SLC24A2: variants seen among roughly 807,000 people sequenced by gnomAD.
SLC24A2 encodes the protein solute carrier family 24 member 2.
SLC24A2 carries 36 observed loss-of-function variants against 62.0 expected under a neutral mutation model. The ratio of observed to expected loss-of-function variants is 0.58; its 90% CI spans 0.44 to 0.77. The LOEUF (loss-of-function observed/expected upper bound fraction) is 0.77, where lower values mean the gene tolerates loss of function less well. Among genes scored for constraint, SLC24A2 ranks in the 30% least tolerant of loss-of-function variants. The pLI is 0.00. For missense variants in SLC24A2, 846 were observed against 817.9 expected, an observed-to-expected ratio of 1.03 and a Z score of -0.42; for synonymous variants, 358 against 294.0, an observed-to-expected ratio of 1.22 and a Z score of -2.23.
chr9:19,933,925 T>C, the SLC24A2 span, among the ~76,000 whole-genome samples: 2,267 of 152,146 alleles, frequency 0.015, 55 homozygotes, highest in African/African-American at 0.045. Context: ...GGCAAATCCA[T>C]AGAGGCAGAA....
At chr9:19,646,559 A>G (rs908260195) in intron 2 of SLC24A2, among the ~76,000 whole-genome samples, 2 of 152,164 alleles carry the variant, frequency 1.3e-5, no homozygotes, top group African/African-American at 4.8e-5. Flanking sequence ...GCAGGCCTCA[A>G]ATTGGGTGGG....
the SLC24A2 span, among the ~76,000 whole-genome samples, chr9:20,188,433 G>A: frequency 1.3e-5 from 2 of 152,216 alleles, no homozygotes; most frequent in Admixed American, 1.3e-4. Flanking sequence ...GGTCCTGCAT[G>A]AGCAAATGAG....
the SLC24A2 span, among the ~76,000 whole-genome samples, chr9:19,974,265 A>G: frequency 6.6e-6 from 1 of 152,224 alleles, no homozygotes; most frequent in Non-Finnish European, 1.5e-5. Flanking sequence ...CTTGGAAGGT[A>G]GAAGTACAGT....
chr9:20,190,253 G>T, the SLC24A2 span, among the ~76,000 whole-genome samples: 1 of 152,072 alleles, frequency 6.6e-6, no homozygotes, highest in Non-Finnish European at 1.5e-5. Flanking sequence ...ACTATGCCAG[G>T]GCAGTCCTCA....
In SLC24A2 at chr9:19,597,239, C is replaced by A; in HGVS notation, c.1119G>T (p.Met373Ile). ...TAAAATCATTCTTACCTTCTTCAGT[C>A]ATTGTGTCATAATATTTTAGTTTTC... is the stretch of plus-strand genomic sequence containing the variant. ...SYGKLKYYDT[M>I]TEEGRFREKA... Residue 373 changes from methionine to isoleucine, a missense_variant, in exon 5 of 11, where the codon ATG (methionine) becomes ATT (isoleucine). Transcript: ENST00000341998. 6.3e-7 allele frequency: 1 copy of A among 1,583,992 alleles called. No homozygotes were observed. Among genetic ancestry groups the A allele is most frequent in the South Asian group, 1.1e-5 (1 of 90,390 alleles).
chr9:20,231,639 G>A, the SLC24A2 span, among the ~76,000 whole-genome samples: 1 of 152,176 alleles, frequency 6.6e-6, no homozygotes, highest in African/African-American at 2.4e-5. Flanking sequence ...TTTGGACTGA[G>A]ACGATGGGGT....
chr9:20,104,641 G>A, the SLC24A2 span, among the ~76,000 whole-genome samples: 4 of 152,098 alleles, frequency 2.6e-5, no homozygotes, highest in Admixed American at 6.6e-5. Context: ...TTACAGACAA[G>A]CAAATGCTGA....
At chr9:20,089,866 C>T in the SLC24A2 span, among the ~76,000 whole-genome samples, 1 of 151,918 alleles carries the variant, frequency 6.6e-6, no homozygotes, top group African/African-American at 2.4e-5. Context: ...AGCCCTTGAC[C>T]CCCTGCTCCC....
At chr9:20,099,687 T>C in the SLC24A2 span, among the ~76,000 whole-genome samples, 1 of 152,196 alleles carries the variant, frequency 6.6e-6, no homozygotes, top group Non-Finnish European at 1.5e-5. Context: ...CAATCAGAGA[T>C]TCAAGCTATA....
chr9:20,021,224 G>T, the SLC24A2 span, among the ~76,000 whole-genome samples: 37 of 152,178 alleles, frequency 2.4e-4, no homozygotes, highest in South Asian at 4.2e-3. Flanking sequence ...ACTGGAAGGT[G>T]AGTGTGGATA....
the SLC24A2 span, among the ~76,000 whole-genome samples, chr9:19,876,452 T>C: frequency 6.6e-6 from 1 of 151,752 alleles, no homozygotes; most frequent in South Asian, 2.1e-4. Context: ...AAACCATATA[T>C]AAGGGGCTAT....
chr9:19,603,182 G>A (rs962388076), intron 4 of SLC24A2, among the ~76,000 whole-genome samples: 3 of 151,430 alleles, frequency 2.0e-5, no homozygotes, highest in Non-Finnish European at 2.9e-5. Flanking sequence ...GGGGGTAGGT[G>A]GATGGGGGGT....
chr9:19,911,565 G>C, the SLC24A2 span, among the ~76,000 whole-genome samples: 2 of 152,270 alleles, frequency 1.3e-5, no homozygotes, highest in South Asian at 4.1e-4. Context: ...GTGGAATCAG[G>C]CATCAGATAA....
chr9:19,581,399 A>G (rs2132863300), intron 5 of SLC24A2, among the ~76,000 whole-genome samples: 1 of 152,194 alleles, frequency 6.6e-6, no homozygotes, highest in East Asian at 1.9e-4. Context: ...CTGCAGCAAA[A>G]TGGATTTGCT....
chr9:20,277,295 G>A, the SLC24A2 span, among the ~76,000 whole-genome samples: 1 of 152,022 alleles, frequency 6.6e-6, no homozygotes, highest in African/African-American at 2.4e-5. Context: ...AGAGTGAACA[G>A]GCAACCTACA....
intron 2 of SLC24A2, among the ~76,000 whole-genome samples, chr9:19,689,181 T>C (rs1819970844): frequency 6.6e-6 from 1 of 152,146 alleles, no homozygotes; most frequent in Admixed American, 6.6e-5. Context: ...TTAAGTGGCC[T>C]AAGTTGTAAA....
At chr9:20,164,352 C>T in the SLC24A2 span, among the ~76,000 whole-genome samples, 1 of 152,118 alleles carries the variant, frequency 6.6e-6, no homozygotes. Context: ...CAAAAGAAGA[C>T]ATTTATGCAG....
the SLC24A2 span, among the ~76,000 whole-genome samples, chr9:19,898,986 G>T: frequency 6.6e-6 from 1 of 152,134 alleles, no homozygotes; most frequent in Non-Finnish European, 1.5e-5. Context: ...CAGCAAGCCT[G>T]CTGCAGCTAC....
intron 5 of SLC24A2, among the ~76,000 whole-genome samples, chr9:19,589,465 CTTT>C (rs1314156756): frequency 6.6e-6 from 1 of 152,070 alleles, no homozygotes; most frequent in African/African-American, 2.4e-5. Flanking sequence ...GTAGTGTTTG[CTTT>C]TTTACTTATG....
Sources: gnomAD v4.1 joint callset for allele counts (sites outside exome capture counted in the v4.1 genomes callset) on GRCh38, gnomAD v4.1.1 for gene constraint, MANE v1.5 for transcripts, NCBI Gene and HGNC (gene_info 2026-07-23, HGNC 2026-07-21) for gene names.